DCDC2: variants seen among roughly 807,000 people sequenced by gnomAD.
The protein encoded by DCDC2 is doublecortin domain containing 2.
A neutral mutation model predicts 50.2 loss-of-function variants in DCDC2; 40 were observed. The ratio of observed to expected loss-of-function variants is 0.80; its 90% CI spans 0.62 to 1.04. DCDC2 has a LOEUF of 1.04. Among genes scored for constraint, DCDC2 ranks in the 50% least tolerant of loss-of-function variants. The pLI is 0.00. For missense variants in DCDC2, 570 were observed against 581.9 expected (o/e 0.98, Z 0.21); for synonymous variants, 234 against 210.6 (o/e 1.11, Z -0.96).
At position 24,268,482 on chromosome 6, in the gene DCDC2, G is replaced by A. The variant is rs367804871; in HGVS notation, c.922+9567C>T. 9.3e-4 allele frequency among the ~76,000 whole-genome samples: 142 copies of A among 152,206 alleles called. No homozygotes were observed. The South Asian group carries it at 0.024, about 26-fold the overall frequency. Reference sequence around the variant, plus strand: ...AGCCTGGGTGACAGAGTCAGACTCTGTCTCAAAAGAAACAAACAAACATAC... The same window carrying A: ...AGCCTGGGTGACAGAGTCAGACTCTATCTCAAAAGAAACAAACAAACATAC... On this transcript the variant is annotated intron_variant, in intron 7 of 9. Coordinates refer to ENST00000378454, the MANE Select transcript of DCDC2 (RefSeq NM_016356.5).
the DCDC2 span, among the ~76,000 whole-genome samples, chr6:24,368,726 G>A: frequency 1.3e-5 from 2 of 151,830 alleles, no homozygotes; most frequent in Non-Finnish European, 2.9e-5. Context: ...TGAGGGGCAA[G>A]AAGGAATGGT....
chr6:24,344,602 C>T (rs1204412877), intron 2 of DCDC2, among the ~76,000 whole-genome samples: 1 of 152,180 alleles, frequency 6.6e-6, no homozygotes, highest in East Asian at 1.9e-4. Context: ...AGCTTTTGAT[C>T]AGAGCTGATT....
chr6:24,367,982 G>A, the DCDC2 span, among the ~76,000 whole-genome samples: 4 of 152,152 alleles, frequency 2.6e-5, no homozygotes, highest in Admixed American at 2.6e-4. Context: ...TTGTGAAGCA[G>A]AATCTCTAGA....
intron 7 of DCDC2, among the ~76,000 whole-genome samples, chr6:24,220,879 A>AGAGCGAGAGAGTGAGCGAGC (rs1158075289): frequency 0.016 from 1,698 of 106,838 alleles, 72 homozygotes; most frequent in South Asian, 0.033. Context: ...CAAGAGAGCG[A>AGAGCGAGAGAGTGAGCGAGC]GAGCGAGAGA....
chr6:24,353,403 C>T, intron 2 of DCDC2, 166 bp downstream of exon 2: 1 of 650,874 alleles, frequency 1.5e-6, no homozygotes, highest in Non-Finnish European at 2.8e-6. Flanking sequence ...TCATTTCTGA[C>T]AATGATTCAA....
chr6:24,377,526 A>G, the DCDC2 span, among the ~76,000 whole-genome samples: 4 of 152,370 alleles, frequency 2.6e-5, no homozygotes, highest in African/African-American at 9.6e-5. Context: ...AAATGTCATT[A>G]TACTTCAAAA....
upstream of DCDC2, chr6:24,358,089 C>T: frequency 1.5e-6 from 1 of 676,270 alleles, no homozygotes; most frequent in Non-Finnish European, 2.5e-6. Context: ...GCGGGGCCTT[C>T]AAACAGGCAC....
intron 7 of DCDC2, among the ~76,000 whole-genome samples, chr6:24,217,344 C>T (rs935863918): frequency 1.1e-4 from 17 of 152,084 alleles, no homozygotes; most frequent in African/African-American, 3.4e-4. Context: ...TTATTGATCC[C>T]AATTATTACC....
intron 2 of DCDC2, among the ~76,000 whole-genome samples, chr6:24,333,354 A>C (rs1441538020): frequency 6.6e-6 from 1 of 152,164 alleles, no homozygotes; most frequent in Non-Finnish European, 1.5e-5. Flanking sequence ...GGATCCTGAA[A>C]GGTATGACGA....
intron 2 of DCDC2, among the ~76,000 whole-genome samples, chr6:24,302,302 A>AAAC (rs1759396244): frequency 6.7e-6 from 1 of 149,906 alleles, no homozygotes; most frequent in African/African-American, 2.5e-5. Flanking sequence ...TGGAAAAAAA[A>AAAC]AAAAAACAGA....
At chr6:24,270,986 C>T (rs1703812147) in intron 7 of DCDC2, among the ~76,000 whole-genome samples, 1 of 151,982 alleles carries the variant, frequency 6.6e-6, no homozygotes, top group Non-Finnish European at 1.5e-5. Flanking sequence ...CATTGGGAGG[C>T]CAAGGCAGGC....
chr6:24,272,702 A>C (rs1005345266), intron 7 of DCDC2, among the ~76,000 whole-genome samples: 9 of 152,216 alleles, frequency 5.9e-5, no homozygotes, highest in African/African-American at 2.2e-4. Flanking sequence ...GTTCTGAAAA[A>C]GTCAAAAAAC....
chr6:24,285,322 C>T (rs868802235), intron 6 of DCDC2, among the ~76,000 whole-genome samples: 22 of 152,334 alleles, frequency 1.4e-4, no homozygotes, highest in African/African-American at 4.3e-4. Flanking sequence ...TACCTTATAA[C>T]TGAGTCTTTG....
intron 5 of DCDC2, among the ~76,000 whole-genome samples, chr6:24,289,911 G>T (rs1205130119): frequency 6.9e-6 from 1 of 145,344 alleles, no homozygotes; most frequent in Non-Finnish European, 1.5e-5. Context: ...AAGCAACAGA[G>T]ATGGATCCCT....
intron 2 of DCDC2, among the ~76,000 whole-genome samples, chr6:24,351,576 G>A (rs1270665510): frequency 6.6e-6 from 1 of 152,188 alleles, no homozygotes; most frequent in Non-Finnish European, 1.5e-5. Flanking sequence ...AAGAGGAAAG[G>A]AGTAAGTGGG....
At chr6:24,341,769 G>A (rs139565465) in intron 2 of DCDC2, among the ~76,000 whole-genome samples, 254 of 152,266 alleles carry the variant, frequency 1.7e-3, no homozygotes, top group African/African-American at 5.5e-3. Flanking sequence ...AGATCTAAGA[G>A]TGGGATTCAA....
At chr6:24,205,235 A>AC in intron 7 of DCDC2, 133 bp from the exon 8 acceptor site, 1 of 1,593,048 alleles carries the variant, frequency 6.3e-7, no homozygotes, top group Non-Finnish European at 8.6e-7. Flanking sequence ...ATTTTTGTGC[A>AC]CCCCCTCCTC....
the DCDC2 span, among the ~76,000 whole-genome samples, chr6:24,381,860 A>AAGGAAGGG: frequency 4.3e-5 from 6 of 140,558 alleles, no homozygotes; most frequent in South Asian, 7.1e-4. Flanking sequence ...GGAAGGAAGG[A>AAGGAAGGG]GAAATAAAAG....
At chr6:24,218,973 A>C (rs548813960) in intron 7 of DCDC2, among the ~76,000 whole-genome samples, 20 of 152,326 alleles carry the variant, frequency 1.3e-4, no homozygotes, top group Admixed American at 5.9e-4. Flanking sequence ...TTAACTGATA[A>C]CTATGAAATA....
Sources: allele counts gnomAD v4.1 joint callset (sites outside exome capture counted in the v4.1 genomes callset), GRCh38; gene constraint gnomAD v4.1.1; transcripts MANE v1.5; gene names NCBI Gene and HGNC (gene_info 2026-07-23, HGNC 2026-07-21).